The following LAMA2 variants were observed in gnomAD, a reference collection of about 807,000 sequenced individuals.
LAMA2 encodes laminin subunit alpha 2, also known as laminin subunit alpha-2.
A neutral mutation model predicts 364.8 loss-of-function variants in LAMA2; 269 were observed. The observed-to-expected ratio is 0.74, with a 90% CI of 0.67 to 0.82. LAMA2 has a LOEUF of 0.82. Ranked by LOEUF, LAMA2 falls within the 40% of genes least tolerant of loss-of-function variation. LAMA2 has a pLI of 0.00. For synonymous variants in LAMA2, 1,379 were observed against 1,370.6 expected, an observed-to-expected ratio of 1.01 and a Z score of -0.14; for missense variants, 3,807 against 3,873.2, an observed-to-expected ratio of 0.98 and a Z score of 0.45.
chr6:129,476,775 C>T (rs549303722), intron 53 of LAMA2, among the ~76,000 whole-genome samples: 1 of 151,204 alleles, frequency 6.6e-6, no homozygotes, highest in African/African-American at 2.4e-5. Context: ...AATTCTCACC[C>T]TACAGTTGGG....
At chr6:129,062,061 A>T (rs1188579735) in intron 3 of LAMA2, among the ~76,000 whole-genome samples, 2 of 152,206 alleles carry the variant, frequency 1.3e-5, no homozygotes, top group African/African-American at 4.8e-5. Flanking sequence ...TTCGTGATGG[A>T]ACTTCTCAGA....
At chr6:129,165,439 A>G (rs1779686589) in intron 8 of LAMA2, 137 bp from the exon 9 acceptor site, 1 of 597,086 alleles carries the variant, frequency 1.7e-6, no homozygotes, top group African/African-American at 1.8e-5. Context: ...ACATGTATTA[A>G]AGGTAATTCT....
chr6:129,173,585 C>A (rs777658430), intron 9 of LAMA2, among the ~76,000 whole-genome samples: 9 of 152,178 alleles, frequency 5.9e-5, no homozygotes, highest in Non-Finnish European at 8.8e-5. Flanking sequence ...ATAATTAATG[C>A]TTATAATTCA....
At chr6:129,515,992 C>A (rs956338009) in intron 64 of LAMA2, among the ~76,000 whole-genome samples, 198 bp from the exon 65 acceptor site, 1 of 151,746 alleles carries the variant, frequency 6.6e-6, no homozygotes, top group African/African-American at 2.4e-5. Flanking sequence ...GGCAACAGAG[C>A]AAGAACCTGT....
At chr6:129,240,791 T>C (rs765666634) in intron 12 of LAMA2, among the ~76,000 whole-genome samples, 1 of 152,240 alleles carries the variant, frequency 6.6e-6, no homozygotes, top group Non-Finnish European at 1.5e-5. Flanking sequence ...TATATATTAC[T>C]AGGTGCTAGA....
chr6:128,941,212 G>A (rs981548046), intron 1 of LAMA2, among the ~76,000 whole-genome samples: 11 of 152,280 alleles, frequency 7.2e-5, no homozygotes, highest in African/African-American at 1.9e-4. Context: ...GTTAGGTGGA[G>A]CATTTACACT....
At chr6:129,206,102 G>A (rs796527052) in intron 12 of LAMA2, among the ~76,000 whole-genome samples, 4 of 101,756 alleles carry the variant, frequency 3.9e-5, no homozygotes, top group Admixed American at 1.8e-4. Context: ...GGGAGGGAGG[G>A]AGGGAGGAAG....
chr6:128,971,584 T>A (rs80214430), intron 1 of LAMA2, among the ~76,000 whole-genome samples: 1 of 151,808 alleles, frequency 6.6e-6, no homozygotes, highest in African/African-American at 2.4e-5. Flanking sequence ...CCAGGCAGAG[T>A]GTCTAGAAGC....
chr6:129,006,763 A>G (rs951043154), intron 1 of LAMA2, among the ~76,000 whole-genome samples: 1 of 152,122 alleles, frequency 6.6e-6, no homozygotes, highest in East Asian at 1.9e-4. Context: ...AATCAGGAAG[A>G]CATCCCCTTT....
intron 40 of LAMA2, among the ~76,000 whole-genome samples, chr6:129,409,589 G>A (rs1196574362): frequency 1.3e-5 from 2 of 152,198 alleles, no homozygotes; most frequent in Non-Finnish European, 2.9e-5. Flanking sequence ...TTCTACCAAA[G>A]CCCAGTAACA....
intron 1 of LAMA2, among the ~76,000 whole-genome samples, chr6:129,015,699 G>A (rs566074954): frequency 5.3e-5 from 8 of 152,106 alleles, no homozygotes; most frequent in African/African-American, 1.9e-4. Context: ...TTCTTTTTAT[G>A]TAGTCTGCAC....
chr6:129,225,101 A>T (rs1442688840), intron 12 of LAMA2, among the ~76,000 whole-genome samples: 5 of 152,092 alleles, frequency 3.3e-5, no homozygotes, highest in African/African-American at 1.2e-4. Flanking sequence ...TTTCTTCAAG[A>T]TTTTCTAGTT....
chr6:128,891,345 A>T (rs948554565), intron 1 of LAMA2, among the ~76,000 whole-genome samples: 3 of 152,078 alleles, frequency 2.0e-5, no homozygotes, highest in African/African-American at 7.2e-5. Flanking sequence ...GAAGAAATAG[A>T]GTTAGTAGAG....
chr6:129,133,626 A>C (rs991914349), intron 4 of LAMA2, among the ~76,000 whole-genome samples: 1 of 152,148 alleles, frequency 6.6e-6, no homozygotes, highest in Non-Finnish European at 1.5e-5. Flanking sequence ...AGCCAATGGA[A>C]TGCTCAGTCT....
chr6:129,356,341 A>G (rs1777151908), intron 32 of LAMA2, among the ~76,000 whole-genome samples: 3 of 152,108 alleles, frequency 2.0e-5, no homozygotes, highest in Non-Finnish European at 2.9e-5. Context: ...AATTCCAGGC[A>G]TTCTCTAAAG....
intron 1 of LAMA2, among the ~76,000 whole-genome samples, chr6:128,910,621 CCTT>C (rs1436115002): frequency 2.0e-5 from 3 of 152,200 alleles, no homozygotes; most frequent in Admixed American, 6.5e-5. Flanking sequence ...TCATCTGAAG[CCTT>C]CTTCTCTCAG....
At chr6:129,367,623 T>C (rs1260964531) in intron 33 of LAMA2, among the ~76,000 whole-genome samples, 1 of 152,226 alleles carries the variant, frequency 6.6e-6, no homozygotes, top group African/African-American at 2.4e-5. Context: ...TACACATTGG[T>C]AGATATTCTT....
At chr6:129,314,874 G>T in intron 24 of LAMA2, 76 bp downstream of exon 24, 1 of 1,522,150 alleles carries the variant, frequency 6.6e-7, no homozygotes. Context: ...GGCACTGAGG[G>T]GTAGTAGAAA....
intron 8 of LAMA2, among the ~76,000 whole-genome samples, chr6:129,155,993 G>T (rs1200998963): frequency 6.6e-6 from 1 of 151,854 alleles, no homozygotes; most frequent in East Asian, 1.9e-4. Flanking sequence ...CAGTTAGATA[G>T]TAGGAATACA....
Sources: allele counts gnomAD v4.1 joint callset (sites outside exome capture counted in the v4.1 genomes callset), GRCh38; gene constraint gnomAD v4.1.1; transcripts MANE v1.5; gene names NCBI Gene and HGNC (gene_info 2026-07-23, HGNC 2026-07-21).